The following EHMT1 variants were observed in gnomAD, a reference collection of about 807,000 sequenced individuals.
EHMT1 encodes the protein histone-lysine N-methyltransferase EHMT1.
A neutral mutation model predicts 147.2 loss-of-function variants in EHMT1; 15 were observed. The observed-to-expected ratio is 0.10, with a 90% CI of 0.07 to 0.16. The LOEUF is 0.16. Ranked by LOEUF, EHMT1 falls within the 10% of genes least tolerant of loss-of-function variation. The pLI is 1.00. For synonymous variants in EHMT1, 795 were observed against 709.6 expected, an observed-to-expected ratio of 1.12 and a Z score of -1.91; for missense variants, 1,587 against 1,772.4, an observed-to-expected ratio of 0.90 and a Z score of 1.88.
At chr9:137,685,231 C>T (rs1438436435) in intron 1 of EHMT1, 1 of 152,186 alleles carries the variant, frequency 6.6e-6, no homozygotes, top group African/African-American at 2.4e-5. Flanking sequence ...CAAGCAGAAA[C>T]TCTGTATCCA....
At chr9:137,750,237 T>C (rs868803160) in intron 6 of EHMT1, among the ~76,000 whole-genome samples, 15 of 137,838 alleles carry the variant, frequency 1.1e-4, no homozygotes, top group African/African-American at 3.5e-4. Flanking sequence ...TCAATAAATG[T>C]CTAGGGATAT....
intron 1 of EHMT1, chr9:137,667,392 C>T (rs1434858607): frequency 1.3e-5 from 2 of 152,250 alleles, no homozygotes; most frequent in African/African-American, 4.8e-5. Flanking sequence ...GCCATTTCCC[C>T]AGGCCATGTG....
In EHMT1 at chr9:137,782,935, T is replaced by C. The variant is rs1178796418; in HGVS notation, c.2382+538T>C. The stretch of plus-strand genomic sequence containing the variant: ...TCTGGGTTCAGACACACGACGCTGT[T>C]TGTCCCCCTGTGACGCCCCTTCCCT... On this transcript the variant is annotated intron_variant, in intron 15 of 26. Coordinates refer to ENST00000460843, the MANE Select transcript of EHMT1 (RefSeq NM_024757.5). The surrounding 1 kb of genome is among the most constrained non-coding windows in gnomAD (Gnocchi z 5.7). 6.6e-6 allele frequency among the ~76,000 whole-genome samples: 1 copy of C among 152,218 alleles called. No individual in the cohort carries two copies. The highest frequency in any genetic ancestry group is 1.5e-5 in the Non-Finnish European group (1 of 68,028).
At chr9:137,671,039 G>A (rs1473242602) in intron 1 of EHMT1, among the ~76,000 whole-genome samples, 1 of 152,162 alleles carries the variant, frequency 6.6e-6, no homozygotes, top group Non-Finnish European at 1.5e-5. Flanking sequence ...TGTAACAGAG[G>A]GCTGTCCCGG....
intron 1 of EHMT1, among the ~76,000 whole-genome samples, chr9:137,653,153 C>T (rs1938048299): frequency 6.6e-6 from 1 of 152,238 alleles, no homozygotes; most frequent in African/African-American, 2.4e-5. Flanking sequence ...GCCCTGCAAG[C>T]TCCATTCATG....
intron 6 of EHMT1, chr9:137,745,562 G>T (rs183904820): frequency 2.5e-6 from 1 of 398,486 alleles, no homozygotes; most frequent in African/African-American, 2.1e-5. Flanking sequence ...TTCCTTAGAC[G>T]TGCCCAGCAC....
At chr9:137,825,241 G>A (rs947535723) in intron 25 of EHMT1, among the ~76,000 whole-genome samples, 2 of 152,206 alleles carry the variant, frequency 1.3e-5, no homozygotes, top group Non-Finnish European at 2.9e-5. Context: ...CGCTCAAGGG[G>A]ATGGGTTGAT....
At chr9:137,781,092 G>GT (rs1564748322) in intron 14 of EHMT1, among the ~76,000 whole-genome samples, 1 of 16,332 alleles carries the variant, frequency 6.1e-5, no homozygotes, top group Non-Finnish European at 1.1e-4. Context: ...GATGACGCTG[G>GT]GATGTGTGGT....
chr9:137,695,815 A>C (rs1206953123), intron 1 of EHMT1, among the ~76,000 whole-genome samples: 3 of 152,208 alleles, frequency 2.0e-5, no homozygotes, highest in African/African-American at 7.2e-5. Context: ...CAGGCAAAGG[A>C]GGGGGATACC....
intron 23 of EHMT1, chr9:137,816,461 T>C: frequency 5.9e-5 from 20 of 338,766 alleles, no homozygotes; most frequent in Admixed American, 1.2e-4. Context: ...TCCCTAACAG[T>C]GAGGTGATGT....
chr9:137,812,825 G>C (rs1250564410), intron 19 of EHMT1, among the ~76,000 whole-genome samples, 181 bp from the exon 20 acceptor site: 1 of 152,272 alleles, frequency 6.6e-6, no homozygotes, highest in Non-Finnish European at 1.5e-5. Context: ...AGGGAATCAT[G>C]TTCCTGGGTG....
intron 16 of EHMT1, among the ~76,000 whole-genome samples, chr9:137,791,834 C>A (rs1952549057): frequency 6.6e-6 from 1 of 152,176 alleles, no homozygotes; most frequent in South Asian, 2.1e-4. Context: ...CAGGTTCAAG[C>A]AATTCTCCTG....
At chr9:137,794,449 A>T (rs868251513) in intron 16 of EHMT1, among the ~76,000 whole-genome samples, 2 of 152,030 alleles carry the variant, frequency 1.3e-5, no homozygotes, top group Middle Eastern at 3.4e-3. Context: ...GGAGTTTGAG[A>T]TCAGCCTGGA....
intron 16 of EHMT1, among the ~76,000 whole-genome samples, chr9:137,795,997 A>C (rs1164175740): frequency 6.6e-6 from 1 of 152,266 alleles, no homozygotes; most frequent in Non-Finnish European, 1.5e-5. Flanking sequence ...GACAGATGCC[A>C]ACCTCACCCT....
At chr9:137,810,362 G>A (rs187326918) in intron 18 of EHMT1, among the ~76,000 whole-genome samples, 26 of 152,356 alleles carry the variant, frequency 1.7e-4, no homozygotes, top group African/African-American at 6.0e-4. Context: ...ATGACGAAGG[G>A]TCAGGGACAG....
intron 9 of EHMT1, 96 bp downstream of exon 9, chr9:137,758,107 C>T: frequency 6.5e-7 from 1 of 1,537,492 alleles, no homozygotes; most frequent in Non-Finnish European, 9.0e-7. Context: ...TTGGTGGACA[C>T]TAGTAGAAGA....
At chr9:137,687,024 G>A (rs904177637) in intron 1 of EHMT1, among the ~76,000 whole-genome samples, 2 of 152,242 alleles carry the variant, frequency 1.3e-5, no homozygotes, top group African/African-American at 4.8e-5. Flanking sequence ...CCACCGCGCT[G>A]GCCCCAACTT....
intron 3 of EHMT1, among the ~76,000 whole-genome samples, chr9:137,717,481 G>A (rs892002451): frequency 1.9e-4 from 29 of 151,646 alleles, no homozygotes; most frequent in Admixed American, 5.9e-4. Context: ...ATAGTGGTGC[G>A]TACCTGTAGT....
chr9:137,748,965 G>A (rs1948763868), intron 6 of EHMT1, among the ~76,000 whole-genome samples: 1 of 152,154 alleles, frequency 6.6e-6, no homozygotes, highest in Non-Finnish European at 1.5e-5. Flanking sequence ...TTGACAGCTG[G>A]TGCGGCAGCC....
Sources: gnomAD v4.1 joint callset for allele counts (sites outside exome capture counted in the v4.1 genomes callset) on GRCh38, gnomAD v4.1.1 for gene constraint, Gnocchi (gnomAD v3.1) non-coding constraint, MANE v1.5 for transcripts, NCBI Gene and HGNC (gene_info 2026-07-23, HGNC 2026-07-21) for gene names.